TENM3: variants seen among roughly 807,000 people sequenced by gnomAD.
The protein encoded by TENM3 is teneurin-3.
A neutral mutation model predicts 255.1 loss-of-function variants in TENM3; 63 were observed. The observed-to-expected ratio is 0.25, with a 90% CI of 0.20 to 0.30. TENM3 has a LOEUF of 0.30. TENM3 is among the 10% of genes least tolerant of loss of function. The pLI, the probability that TENM3 is intolerant of heterozygous loss-of-function variation, is 1.00. For missense variants in TENM3, 2,929 were observed against 3,461.1 expected, an observed-to-expected ratio of 0.85 and a Z score of 3.86; for synonymous variants, 1,306 against 1,322.3, an observed-to-expected ratio of 0.99 and a Z score of 0.27.
chr4:181,510,304 A>AAC, the TENM3 span, among the ~76,000 whole-genome samples: 1 of 152,192 alleles, frequency 6.6e-6, no homozygotes, highest in Non-Finnish European at 1.5e-5. Flanking sequence ...TGACCATTCG[A>AAC]ACAAGTAGAA....
chr4:182,412,088 G>A (rs949270465), intron 3 of TENM3, among the ~76,000 whole-genome samples: 4 of 152,230 alleles, frequency 2.6e-5, no homozygotes, highest in African/African-American at 4.8e-5. Context: ...CAGCTGGGTC[G>A]TGACTGAAAA....
chr4:181,619,556 G>A, the TENM3 span, among the ~76,000 whole-genome samples: 2 of 151,892 alleles, frequency 1.3e-5, no homozygotes, highest in African/African-American at 2.4e-5. Flanking sequence ...TGTGTAGCTG[G>A]GACCATAGGC....
At chr4:182,491,927 G>A (rs191881791) in intron 3 of TENM3, among the ~76,000 whole-genome samples, 42 of 152,310 alleles carry the variant, frequency 2.8e-4, no homozygotes, top group Non-Finnish European at 5.1e-4. Context: ...CAATGTTCCA[G>A]GTAAAGTGCA....
chr4:182,005,476 G>C, the TENM3 span, among the ~76,000 whole-genome samples: 1 of 152,176 alleles, frequency 6.6e-6, no homozygotes, highest in African/African-American at 2.4e-5. Context: ...CTGTAGACTT[G>C]TAGTATAGTT....
chr4:182,713,893 G>T (rs1758944956), intron 12 of TENM3, among the ~76,000 whole-genome samples, 194 bp from the exon 13 acceptor site: 1 of 152,140 alleles, frequency 6.6e-6, no homozygotes, highest in African/African-American at 2.4e-5. Context: ...TGTCTCAAGG[G>T]TCAGGCCAAT....
At chr4:181,631,498 G>T in the TENM3 span, among the ~76,000 whole-genome samples, 1 of 151,878 alleles carries the variant, frequency 6.6e-6, no homozygotes. Context: ...CACCATCTTG[G>T]CCAGGCTGGT....
chr4:182,495,862 T>A (rs1232435964), intron 3 of TENM3, among the ~76,000 whole-genome samples: 1 of 152,196 alleles, frequency 6.6e-6, no homozygotes, highest in Non-Finnish European at 1.5e-5. Flanking sequence ...AAATTGAATA[T>A]CCCGTCCCTA....
At chr4:181,934,674 G>A in the TENM3 span, among the ~76,000 whole-genome samples, 1 of 151,958 alleles carries the variant, frequency 6.6e-6, no homozygotes, top group Non-Finnish European at 1.5e-5. Context: ...GGTCATATTA[G>A]GTCAATTCTT....
chr4:182,640,573 T>G (rs762931403), intron 5 of TENM3, among the ~76,000 whole-genome samples: 1 of 152,214 alleles, frequency 6.6e-6, no homozygotes, highest in Non-Finnish European at 1.5e-5. Flanking sequence ...TTTTACTTCT[T>G]CAAATACATT....
chr4:182,686,427 T>C (rs1373959886), intron 11 of TENM3, among the ~76,000 whole-genome samples: 2 of 152,180 alleles, frequency 1.3e-5, no homozygotes, highest in Non-Finnish European at 2.9e-5. Flanking sequence ...TGGCTTAAAG[T>C]TTACAAGCAG....
At chr4:181,693,197 C>T in the TENM3 span, among the ~76,000 whole-genome samples, 2 of 152,136 alleles carry the variant, frequency 1.3e-5, no homozygotes, top group Non-Finnish European at 2.9e-5. Flanking sequence ...TAACTGAAAG[C>T]GATCTGTAAA....
At chr4:181,477,060 C>A in the TENM3 span, among the ~76,000 whole-genome samples, 39 of 120,500 alleles carry the variant, frequency 3.2e-4, 1 homozygote, top group South Asian at 0.012. Context: ...GAAAGGAAAA[C>A]CCAATTCATT....
intron 26 of TENM3, among the ~76,000 whole-genome samples, chr4:182,795,625 C>G (rs1244514602): frequency 6.6e-6 from 1 of 152,178 alleles, no homozygotes; most frequent in African/African-American, 2.4e-5. Flanking sequence ...AAGTGGCTCT[C>G]CATCATTCTG....
chr4:182,262,039 A>C (rs553387239), intron 1 of TENM3, among the ~76,000 whole-genome samples: 8 of 152,182 alleles, frequency 5.3e-5, no homozygotes, highest in Non-Finnish European at 7.4e-5. Flanking sequence ...GTTGGTATCA[A>C]TGTTTCCTTT....
chr4:182,620,934 C>T (rs1312115837), intron 4 of TENM3, among the ~76,000 whole-genome samples: 1 of 152,168 alleles, frequency 6.6e-6, no homozygotes, highest in African/African-American at 2.4e-5. Flanking sequence ...AATCCCAGCA[C>T]TTTGGGAGGC....
At position 182,800,476 on chromosome 4, in the gene TENM3, A is replaced by G; in HGVS notation, c.*125A>G. 8.4e-7 allele frequency: 1 copy of G among 1,195,554 alleles called. No homozygotes were observed. The highest frequency in any genetic ancestry group is 1.1e-6 in the Non-Finnish European group (1 of 887,308). 74.1% of individuals were successfully genotyped at this position (1,195,554 alleles called of 1,614,324 possible). A position where few individuals can be genotyped will look rare whatever the true frequency, so the allele number is the denominator to read the frequency against. On this transcript the variant is annotated 3_prime_UTR_variant, in exon 28 of 28. Coordinates refer to ENST00000511685, the MANE Select transcript of TENM3 (RefSeq NM_001080477.4). ...GGGAATGAGACTGCTGTTACGACCCACACCCACACCGCGAAAACAAGGACC... is the reference window on the plus strand; with the variant it reads ...GGGAATGAGACTGCTGTTACGACCCGCACCCACACCGCGAAAACAAGGACC...
chr4:181,727,807 A>G, the TENM3 span, among the ~76,000 whole-genome samples: 3 of 152,278 alleles, frequency 2.0e-5, no homozygotes, highest in African/African-American at 7.2e-5. Context: ...ATATATCTCC[A>G]TGTTCTAATT....
At chr4:181,781,898 T>A in the TENM3 span, among the ~76,000 whole-genome samples, 26,796 of 152,194 alleles carry the variant, frequency 0.18, 3,091 homozygotes, top group Non-Finnish European at 0.26. Flanking sequence ...TGTCTTTGGT[T>A]CTGTTTATAT....
intron 1 of TENM3, among the ~76,000 whole-genome samples, chr4:182,293,238 C>T (rs1268931761): frequency 6.6e-6 from 1 of 152,168 alleles, no homozygotes; most frequent in African/African-American, 2.4e-5. Flanking sequence ...CCATCTTCCT[C>T]CACTGCCCAC....
Sources: gnomAD v4.1 joint callset for allele counts (sites outside exome capture counted in the v4.1 genomes callset) on GRCh38, gnomAD v4.1.1 for gene constraint, MANE v1.5 for transcripts, NCBI Gene and HGNC (gene_info 2026-07-23, HGNC 2026-07-21) for gene names.